CSMD1: variants seen among roughly 807,000 people sequenced by gnomAD.
CSMD1 encodes the protein CUB and Sushi multiple domains 1.
Under a neutral mutation model 417.5 loss-of-function variants are expected in CSMD1, and 213 were observed. That is an observed-to-expected ratio of 0.51 (90% CI 0.46 to 0.57). CSMD1 has a LOEUF of 0.57. Ranked by LOEUF, CSMD1 falls within the 20% of genes least tolerant of loss-of-function variation. The probability of loss-of-function intolerance (pLI) is 0.00; values close to 1 mark genes in which losing one functional copy is unlikely to be tolerated. For synonymous variants in CSMD1, 2,862 were observed against 1,736.8 expected, an observed-to-expected ratio of 1.65 and a Z score of -16.11; for missense variants, 6,923 against 4,529.7, an observed-to-expected ratio of 1.53 and a Z score of -15.17.
At chr8:3,649,026 C>G (rs766436547) in intron 7 of CSMD1, among the ~76,000 whole-genome samples, 4 of 152,124 alleles carry the variant, frequency 2.6e-5, no homozygotes, top group Admixed American at 2.0e-4. Flanking sequence ...TGTCCAAGGT[C>G]ACAGAGTTCA....
At chr8:3,560,335 C>G (rs1476541294) in intron 10 of CSMD1, among the ~76,000 whole-genome samples, 2 of 152,018 alleles carry the variant, frequency 1.3e-5, no homozygotes, top group Non-Finnish European at 2.9e-5. Context: ...AGTGAAGGTA[C>G]CTATCATTAT....
At chr8:4,632,283 T>G (rs1802565668) in intron 2 of CSMD1, among the ~76,000 whole-genome samples, 1 of 152,044 alleles carries the variant, frequency 6.6e-6, no homozygotes, top group South Asian at 2.1e-4. Flanking sequence ...GAGGCCGAGG[T>G]GGGCAGATCA....
intron 5 of CSMD1, among the ~76,000 whole-genome samples, chr8:3,757,743 G>A (rs559990779): frequency 3.6e-4 from 55 of 152,044 alleles, no homozygotes; most frequent in African/African-American, 1.2e-3. Context: ...TAGATAATCG[G>A]GAGGCTGAGG....
chr8:4,688,502 T>A (rs113972008), intron 1 of CSMD1, among the ~76,000 whole-genome samples: 1 of 152,026 alleles, frequency 6.6e-6, no homozygotes, highest in Non-Finnish European at 1.5e-5. Context: ...GCAAAATGCA[T>A]TGAACTTCAT....
chr8:4,310,092 C>G (rs891809412), intron 3 of CSMD1, among the ~76,000 whole-genome samples: 17 of 152,144 alleles, frequency 1.1e-4, no homozygotes, highest in Admixed American at 5.9e-4. Context: ...CAATTATCAC[C>G]TCTCAGAGAT....
At chr8:4,430,802 A>T (rs1299052743) in intron 2 of CSMD1, among the ~76,000 whole-genome samples, 1 of 152,150 alleles carries the variant, frequency 6.6e-6, no homozygotes. Flanking sequence ...AAACAGTAAC[A>T]GCGTTTTTCC....
intron 10 of CSMD1, among the ~76,000 whole-genome samples, chr8:3,523,620 T>C (rs539445109): frequency 1.1e-4 from 16 of 148,368 alleles, no homozygotes; most frequent in African/African-American, 3.8e-4. Context: ...CACACACACA[T>C]GCATGCACAC....
At chr8:3,670,901 A>G (rs1471618678) in intron 7 of CSMD1, among the ~76,000 whole-genome samples, 8 of 149,576 alleles carry the variant, frequency 5.3e-5, no homozygotes, top group African/African-American at 2.0e-4. Flanking sequence ...TATGTGATAT[A>G]TATGTATATG....
At chr8:4,888,536 G>T (rs1461982658) in intron 1 of CSMD1, among the ~76,000 whole-genome samples, 2 of 151,974 alleles carry the variant, frequency 1.3e-5, no homozygotes, top group African/African-American at 2.4e-5. Flanking sequence ...AGAGGTATGT[G>T]TGTGTTTATG....
intron 10 of CSMD1, among the ~76,000 whole-genome samples, chr8:3,564,517 T>TTGTGTGTGTGTGTGTGTGTGTGTG (rs34665230): frequency 1.0e-4 from 15 of 145,392 alleles, no homozygotes; most frequent in African/African-American, 2.8e-4. Context: ...CACAGTATAT[T>TTGTGTGTGTGTGTGTGTGTGTGTG]TGTGTGTGTG....
At chr8:2,942,173 G>C (rs142314616) in intron 69 of CSMD1, among the ~76,000 whole-genome samples, 138 of 152,038 alleles carry the variant, frequency 9.1e-4, no homozygotes, top group African/African-American at 2.9e-3. Context: ...TGGGGCCTGT[G>C]GGGGGCTGGA....
intron 2 of CSMD1, among the ~76,000 whole-genome samples, chr8:4,423,486 A>C (rs1207182664): frequency 6.6e-6 from 1 of 152,116 alleles, no homozygotes; most frequent in East Asian, 1.9e-4. Context: ...CTGTATAAAT[A>C]CAATAAGATA....
chr8:4,155,493 A>C (rs533297320), intron 3 of CSMD1, among the ~76,000 whole-genome samples: 2 of 152,352 alleles, frequency 1.3e-5, no homozygotes, highest in East Asian at 1.9e-4. Flanking sequence ...TAAACAAGGG[A>C]AAGTATCGTT....
At chr8:3,001,774 G>A (rs1214250185) in intron 52 of CSMD1, among the ~76,000 whole-genome samples, 2 of 152,144 alleles carry the variant, frequency 1.3e-5, no homozygotes, top group Non-Finnish European at 2.9e-5. Flanking sequence ...GACTTTCCCT[G>A]CCCACTTATT....
intron 1 of CSMD1, among the ~76,000 whole-genome samples, chr8:4,920,969 AG>A (rs1806435732): frequency 1.6e-4 from 1 of 6,302 alleles, no homozygotes; most frequent in African/African-American, 2.7e-4. Flanking sequence ...AAAGAAAGAA[AG>A]AAAGAAAGAA....
At chr8:4,216,730 G>A (rs1424544015) in intron 3 of CSMD1, among the ~76,000 whole-genome samples, 2 of 152,128 alleles carry the variant, frequency 1.3e-5, no homozygotes, top group Non-Finnish European at 2.9e-5. Flanking sequence ...TAAACGAATG[G>A]AGATGTTTTA....
At chr8:3,068,659 G>T (rs1198335534) in intron 49 of CSMD1, among the ~76,000 whole-genome samples, 1 of 152,142 alleles carries the variant, frequency 6.6e-6, no homozygotes, top group Non-Finnish European at 1.5e-5. Context: ...AGAAGGCCAA[G>T]GGGGAGCAGG....
intron 9 of CSMD1, among the ~76,000 whole-genome samples, chr8:3,581,699 T>C (rs545678380): frequency 5.2e-4 from 79 of 152,356 alleles, no homozygotes; most frequent in African/African-American, 1.9e-3. Context: ...TTGCATTTCA[T>C]AGACGGTTGA....
intron 11 of CSMD1, among the ~76,000 whole-genome samples, chr8:3,471,049 T>C (rs1499685): frequency 0.19 from 28,996 of 152,114 alleles, 3,428 homozygotes; most frequent in East Asian, 0.41. Context: ...AAGAGGGCAA[T>C]AGCTGCATTG....
Sources: allele counts gnomAD v4.1 joint callset (sites outside exome capture counted in the v4.1 genomes callset), GRCh38; gene constraint gnomAD v4.1.1; transcripts MANE v1.5; gene names NCBI Gene and HGNC (gene_info 2026-07-23, HGNC 2026-07-21).